The following RABGAP1L variants were observed in gnomAD, a reference collection of about 807,000 sequenced individuals.
RABGAP1L encodes rab GTPase-activating protein 1-like.
A neutral mutation model predicts 137.7 loss-of-function variants in RABGAP1L; 63 were observed. The ratio of observed to expected loss-of-function variants is 0.46; its 90% CI spans 0.37 to 0.56. RABGAP1L has a LOEUF of 0.56. RABGAP1L is among the 20% of genes least tolerant of loss of function. RABGAP1L has a pLI of 0.00. For synonymous variants in RABGAP1L, 431 were observed against 433.7 expected, an observed-to-expected ratio of 0.99 and a Z score of 0.08; for missense variants, 1,095 against 1,244.0, an observed-to-expected ratio of 0.88 and a Z score of 1.80.
intron 13 of RABGAP1L, among the ~76,000 whole-genome samples, chr1:174,542,625 C>A (rs1033450363): frequency 2.6e-5 from 4 of 151,964 alleles, no homozygotes; most frequent in Non-Finnish European, 5.9e-5. Context: ...TTATTTCTTG[C>A]CTTCTGCTGG....
At chr1:174,714,464 A>T (rs1243023305) in intron 17 of RABGAP1L, among the ~76,000 whole-genome samples, 1 of 152,244 alleles carries the variant, frequency 6.6e-6, no homozygotes, top group Non-Finnish European at 1.5e-5. Flanking sequence ...TGGTAGACAT[A>T]CTCAAAGTAT....
chr1:174,720,056 C>T (rs1168602395), intron 17 of RABGAP1L, among the ~76,000 whole-genome samples: 8 of 151,892 alleles, frequency 5.3e-5, no homozygotes, highest in Non-Finnish European at 1.0e-4. Flanking sequence ...TCAAAACTTA[C>T]TACAAAGCTA....
At chr1:174,507,459 TTCCCTATA>T (rs1661931595) in intron 13 of RABGAP1L, among the ~76,000 whole-genome samples, 1 of 152,156 alleles carries the variant, frequency 6.6e-6, no homozygotes, top group African/African-American at 2.4e-5. Flanking sequence ...AAACACCCTA[TTCCCTATA>T]GTATCAATTT....
chr1:174,681,388 C>T (rs904036500), intron 14 of RABGAP1L, among the ~76,000 whole-genome samples: 3 of 152,176 alleles, frequency 2.0e-5, no homozygotes, highest in East Asian at 1.9e-4. Flanking sequence ...ACTACCGATG[C>T]ACACAACAAC....
chr1:174,805,582 A>G (rs562672710), intron 18 of RABGAP1L, among the ~76,000 whole-genome samples: 1 of 152,108 alleles, frequency 6.6e-6, no homozygotes, highest in African/African-American at 2.4e-5. Context: ...GTTCACTGCA[A>G]CCTCCATCTC....
At chr1:174,613,706 G>A (rs1186952327) in intron 13 of RABGAP1L, among the ~76,000 whole-genome samples, 1 of 152,144 alleles carries the variant, frequency 6.6e-6, no homozygotes, top group Non-Finnish European at 1.5e-5. Context: ...CTCTTTGTAG[G>A]TTACTCAGGA....
At chr1:174,960,522 G>C (rs1668995286) in intron 20 of RABGAP1L, among the ~76,000 whole-genome samples, 1 of 152,078 alleles carries the variant, frequency 6.6e-6, no homozygotes, top group South Asian at 2.1e-4. Context: ...GACATATCTT[G>C]AAAATCTTCT....
chr1:174,433,939 A>T (rs1015632655), intron 13 of RABGAP1L, among the ~76,000 whole-genome samples: 1 of 152,176 alleles, frequency 6.6e-6, no homozygotes, highest in South Asian at 2.1e-4. Flanking sequence ...CTTCAGCTAT[A>T]ACTTACACAG....
intron 17 of RABGAP1L, among the ~76,000 whole-genome samples, chr1:174,724,407 T>G (rs374766463): frequency 4.6e-5 from 7 of 152,154 alleles, no homozygotes; most frequent in Admixed American, 1.3e-4. Flanking sequence ...ATTCCAGACA[T>G]GAATATGAGA....
intron 13 of RABGAP1L, among the ~76,000 whole-genome samples, chr1:174,467,514 T>C (rs1657438452): frequency 6.6e-6 from 1 of 152,096 alleles, no homozygotes; most frequent in Non-Finnish European, 1.5e-5. Context: ...AAATTATCTA[T>C]ACCAGGGAAG....
chr1:174,778,357 A>G (rs901578956), intron 18 of RABGAP1L, among the ~76,000 whole-genome samples: 2 of 152,228 alleles, frequency 1.3e-5, no homozygotes, highest in African/African-American at 2.4e-5. Context: ...AAAAGAATTC[A>G]TCACTAGGAG....
chr1:174,617,122 T>C (rs1671961260), intron 13 of RABGAP1L, among the ~76,000 whole-genome samples: 1 of 152,194 alleles, frequency 6.6e-6, no homozygotes, highest in Non-Finnish European at 1.5e-5. Context: ...CTTCCAGTTC[T>C]TAGAATGGTA....
At chr1:174,502,760 G>GA (rs1462390615) in intron 13 of RABGAP1L, among the ~76,000 whole-genome samples, 1 of 151,194 alleles carries the variant, frequency 6.6e-6, no homozygotes, top group Non-Finnish European at 1.5e-5. Flanking sequence ...GAATATTCCA[G>GA]AAATTCTTTC....
chr1:174,914,394 A>C (rs1365813996), intron 19 of RABGAP1L, among the ~76,000 whole-genome samples: 1 of 152,212 alleles, frequency 6.6e-6, no homozygotes, highest in African/African-American at 2.4e-5. Context: ...ATATGGCCAT[A>C]CCAAGCTGCA....
Position 174,699,622 on chromosome 1 carries a change from A to G in RABGAP1L, c.1997A>G (p.Lys666Arg). The G allele has an allele frequency of 6.2e-7, 1 of 1,608,564 alleles. No homozygotes were observed. The change falls in exon 16 of 26, where the codon AAA becomes AGA. Residue 666 changes from lysine to arginine, a missense_variant. Around this residue, in one of 4 missense-constraint regions of RABGAP1L, gnomAD observed 315 missense variants for 324.8 expected, o/e 0.97. Coordinates refer to ENST00000681986, the MANE Select transcript of RABGAP1L (RefSeq NM_001366446.1). ...YRNNFEDLHCKFYQLERLMQE... is the reference protein window; with the variant it reads ...YRNNFEDLHCRFYQLERLMQE... The stretch of plus-strand genomic sequence containing the variant: ...AACAACTTCGAAGATCTTCATTGCA[A>G]ATTCTACCAGTTGGAGAGACTAATG...
chr1:174,480,139 A>G (rs996712233), intron 13 of RABGAP1L, among the ~76,000 whole-genome samples: 3 of 152,170 alleles, frequency 2.0e-5, no homozygotes, highest in African/African-American at 2.4e-5. Context: ...TTCTTCATCT[A>G]TTCATGTCTC....
intron 11 of RABGAP1L, among the ~76,000 whole-genome samples, chr1:174,368,499 T>C (rs1245386620): frequency 6.6e-6 from 1 of 152,226 alleles, no homozygotes; most frequent in Non-Finnish European, 1.5e-5. Context: ...GTCAATGTAA[T>C]TGGTAGATAC....
At chr1:174,989,729 T>G in intron 25 of RABGAP1L, 120 bp from the exon 26 acceptor site, 1 of 1,091,868 alleles carries the variant, frequency 9.2e-7, no homozygotes, top group Non-Finnish European at 1.3e-6. Context: ...TCTCCTGGGT[T>G]TTGTGGGAGG....
chr1:174,614,400 G>C (rs116038620), intron 13 of RABGAP1L, among the ~76,000 whole-genome samples: 8 of 152,006 alleles, frequency 5.3e-5, no homozygotes, highest in African/African-American at 1.9e-4. Context: ...CTCTCTTCTG[G>C]CTTCCCCCAC....
Sources: gnomAD v4.1 joint callset for allele counts (sites outside exome capture counted in the v4.1 genomes callset) on GRCh38, gnomAD v4.1.1 for gene constraint, gnomAD v4.1.1 regional missense constraint, MANE v1.5 for transcripts, NCBI Gene and HGNC (gene_info 2026-07-23, HGNC 2026-07-21) for gene names.